KHNYN: variants seen among roughly 807,000 people sequenced by gnomAD.
KHNYN encodes KH and NYN domain containing, also known as protein KHNYN.
KHNYN carries 42 observed loss-of-function variants against 62.7 expected under a neutral mutation model. The ratio of observed to expected loss-of-function variants is 0.67; its 90% CI spans 0.52 to 0.87. The LOEUF (loss-of-function observed/expected upper bound fraction) is 0.87, where lower values mean the gene tolerates loss of function less well. Ranked by LOEUF, KHNYN falls within the 40% of genes least tolerant of loss-of-function variation. KHNYN has a pLI of 0.00. For synonymous variants in KHNYN, 347 were observed against 345.6 expected (o/e 1.00, Z -0.04); for missense variants, 829 against 874.1 (o/e 0.95, Z 0.65).
Position 24,440,385 on chromosome 14 carries a change from G to A in KHNYN, c.*3100G>A, listed in dbSNP as rs1212196815. ...AGGATTCCTGCCAGGTCCCCGATGTGTATCCAGGGGAAGAATTGGTGGCCT... is the reference window on the plus strand; with the variant it reads ...AGGATTCCTGCCAGGTCCCCGATGTATATCCAGGGGAAGAATTGGTGGCCT... On this transcript the variant is annotated 3_prime_UTR_variant, in exon 8 of 8. Coordinates refer to ENST00000553935, the MANE Select transcript of KHNYN (RefSeq NM_015299.3). The A allele has an allele frequency of 1.9e-6, 3 of 1,614,008 alleles. No individual in the cohort carries two copies. The highest frequency in any genetic ancestry group is 3.3e-5 in the Admixed American group (2 of 60,022).
intron 2 of KHNYN, 51 bp from the exon 3 acceptor site, chr14:24,431,412 G>A (rs757573216): frequency 2.7e-6 from 4 of 1,461,250 alleles, no homozygotes; most frequent in Non-Finnish European, 3.7e-6. Context: ...CAGGAGGGGT[G>A]ATCTGGGCCA....
rs11625820 is a variant in KHNYN at position 24,441,768 on chromosome 14, T to A, written c.*4483T>A. 1,409,592 of 1,600,702 alleles carry A rather than the reference T, an allele frequency of 0.88. 626,527 individuals carry two copies. The highest frequency in any genetic ancestry group is 0.9 in the Non-Finnish European group (1,061,909 of 1,175,710). ...GGGTGGTCTCTAGGCGGCTGCCGAT[T>A]ACCTCTTTTTGGAAGGTTTCATTCC... On this transcript the variant is annotated 3_prime_UTR_variant, in exon 8 of 8. Transcript: ENST00000553935.
chr14:24,432,488 G>T lies in KHNYN; in HGVS notation c.1227G>T (p.Leu409Phe), dbSNP rs1326365732. The T allele has an allele frequency of 6.2e-7, 1 of 1,613,760 alleles. No homozygotes were observed. ...QWKRGARGGNLVTGTQRFKEA... is the reference protein window; with the variant it reads ...QWKRGARGGNFVTGTQRFKEA... ...AACGAGGCGCCCGAGGGGGCAACTT[G>T]GTGACTGGCACACAGCGTTTCAAGG... Residue 409 changes from leucine to phenylalanine, a missense_variant, in exon 3 of 8, where the codon TTG (leucine) becomes TTT (phenylalanine). Physicochemically the swap from Leu to Phe is conservative, Grantham distance 22. This residue lies in a region of KHNYN where 559 missense variants were observed against 527.0 expected (regional missense o/e 1.06). Transcript: ENST00000553935. The surrounding 1 kb of genome is among the most constrained non-coding windows in gnomAD (Gnocchi z 5.6).
rs1435868361 is a variant in KHNYN, at chr14:24,432,744, T to A, written c.1372T>A (p.Ser458Thr). 1 of 1,614,156 alleles carries A rather than the reference T, an allele frequency of 6.2e-7. No homozygotes were observed. The highest frequency in any genetic ancestry group is 8.5e-7 in the Non-Finnish European group (1 of 1,180,030). ...AMVHGLQHYF[S>T]SRGIAIAVQY... ...CAGGCATGGCCTCCAGCACTACTTC[T>A]CCAGCCGGGGCATTGCCATTGCTGT... Residue 458 changes from serine (S) to threonine (T), a missense_variant, in exon 4 of 8, where the codon TCC (serine) becomes ACC (threonine). Around this residue, in one of 2 missense-constraint regions of KHNYN, gnomAD observed 270 missense variants for 347.1 expected, o/e 0.78. Transcript: ENST00000553935. The surrounding 1 kb of genome is among the most constrained non-coding windows in gnomAD (Gnocchi z 5.6).
At position 24,440,423 on chromosome 14, in the gene KHNYN, C is replaced by A. The variant is rs11538256; in HGVS notation, c.*3138C>A. 47,903 of 1,604,712 alleles carry A rather than the reference C, an allele frequency of 0.03. 1,174 individuals carry two copies. The highest frequency in any genetic ancestry group is 0.14 in the East Asian group (6,122 of 44,782). The stretch of plus-strand genomic sequence containing the variant: ...GAATTGGTGGCCTGAGCCGATGGGG[C>A]CCCCCAGGCCCAGGCGAAAGGGCAG... On this transcript the variant is annotated 3_prime_UTR_variant, in exon 8 of 8. Transcript: ENST00000553935.
chr14:24,435,339 G>C (rs2043189245), intron 5 of KHNYN: 2 of 152,476 alleles, frequency 1.3e-5, no homozygotes, highest in East Asian at 3.9e-4. Flanking sequence ...CTGGCCTGTA[G>C]AAGGCCTTAG....
intron 5 of KHNYN, among the ~76,000 whole-genome samples, chr14:24,434,617 G>A (rs2043177516): frequency 6.6e-6 from 1 of 152,048 alleles, no homozygotes; most frequent in Admixed American, 6.6e-5. Flanking sequence ...GTTGGCCAGG[G>A]TGGTCTTGAT....
In KHNYN at chr14:24,440,269, C is replaced by A. The variant is rs3211056; in HGVS notation, c.*2984C>A. 8.1e-6 allele frequency: 13 copies of A among 1,613,690 alleles called. 1 individual carries two copies. The East Asian group carries it at 2.5e-4, about 30-fold the overall frequency. ...AGGCTCGGCGGCCCAGGGCAGCACC[C>A]AAGGTCTGGGCAAACTCAGCATTAG... On this transcript the variant is annotated 3_prime_UTR_variant, in exon 8 of 8. Transcript: ENST00000553935.
Position 24,441,393 on chromosome 14 carries a change from C to A in KHNYN, c.*4108C>A, listed in dbSNP as rs961749767. ...GCAATTACTTGGTCCCAAAGGTGAC[C>A]AGGAACTCTGTTCCTAAAGAACTAT... On this transcript the variant is annotated 3_prime_UTR_variant, in exon 8 of 8. Transcript: ENST00000553935. The A allele has an allele frequency of 4.2e-6, 2 of 477,200 alleles. No individual in the cohort carries two copies. Among genetic ancestry groups the A allele is most frequent in the Non-Finnish European group, 7.4e-6 (2 of 271,842 alleles). 29.6% of individuals were successfully genotyped at this position (477,200 alleles called of 1,614,324 possible).
Position 24,437,660 on chromosome 14 carries a change from T to A in KHNYN, c.*375T>A, listed in dbSNP as rs115319005. 2 of 186,524 alleles carry A rather than the reference T, an allele frequency of 1.1e-5. No homozygotes were observed. Among genetic ancestry groups the A allele is most frequent in the Non-Finnish European group, 2.3e-5 (2 of 88,720 alleles). 11.6% of individuals were successfully genotyped at this position (186,524 alleles called of 1,614,324 possible). ...CAGGAAGTTAAGCTGTTCCTCTCCC[T>A]GGCTGCTGCTCTGGATGGCCAGAGA... is the stretch of plus-strand genomic sequence containing the variant. On this transcript the variant is annotated 3_prime_UTR_variant, in exon 8 of 8. Coordinates refer to ENST00000553935, the MANE Select transcript of KHNYN (RefSeq NM_015299.3). The surrounding 1 kb of genome is among the most constrained non-coding windows in gnomAD (Gnocchi z 5.5).
chr14:24,436,794 G>A (rs1017988110), intron 7 of KHNYN, among the ~76,000 whole-genome samples: 3 of 152,198 alleles, frequency 2.0e-5, no homozygotes. Context: ...CATTACATAA[G>A]TGATTCATTT....
chr14:24,429,340 A>G (rs1020412097), upstream of KHNYN: 93 of 657,256 alleles, frequency 1.4e-4, no homozygotes, highest in Non-Finnish European at 2.1e-4. Context: ...GGCTGCAGCC[A>G]GAGCTTCAGG....
At chr14:24,425,820 G>A (rs1209858158), upstream of KHNYN, among the ~76,000 whole-genome samples, 5 of 152,106 alleles carry the variant, frequency 3.3e-5, no homozygotes, top group South Asian at 2.1e-4. Context: ...CTTATAACAC[G>A]CCATTGGACT....
chr14:24,430,228 G>T, intron 1 of KHNYN, 109 bp downstream of exon 1: 1 of 868,834 alleles, frequency 1.2e-6, no homozygotes, highest in Non-Finnish European at 1.4e-6. Flanking sequence ...GCCCGGCCCG[G>T]CCCGGCCCCT....
At chr14:24,427,473 C>A, upstream of KHNYN, 1 of 322,910 alleles carries the variant, frequency 3.1e-6, no homozygotes. This position sits in a 1 kb window ranked among gnomAD's most constrained non-coding sequence, Gnocchi z 4.4. Flanking sequence ...GTGGGGGAAC[C>A]GGAGGAGCAG....
At chr14:24,430,304 T>C in intron 1 of KHNYN, 185 bp downstream of exon 1, 1 of 665,968 alleles carries the variant, frequency 1.5e-6, no homozygotes, top group South Asian at 6.5e-5. Context: ...GGGGTGGGAG[T>C]GGCTTGAACC....
Position 24,437,159 on chromosome 14 carries a change from G to C in KHNYN, c.1911G>C (p.Arg637=). The C allele has an allele frequency of 6.2e-7, 1 of 1,614,192 alleles. No homozygotes were observed. The highest frequency in any genetic ancestry group is 2.2e-5 in the East Asian group (1 of 44,888). The change falls in exon 8 of 8, where the codon CGG becomes CGC. Residue 637 remains arginine (R), a synonymous_variant. Transcript: ENST00000553935. This position sits in a 1 kb window ranked among gnomAD's most constrained non-coding sequence, Gnocchi z 5.5. ...GGIRKTRETE[R]LRRQLLEVFW... ...TTCGGAAGACCCGGGAAACAGAGCG[G>C]CTCCGGCGGCAGCTGCTGGAGGTGT...
chr14:24,428,181 C>T (rs2043042149), upstream of KHNYN: 5 of 1,498,700 alleles, frequency 3.3e-6, no homozygotes, highest in South Asian at 1.2e-5. Context: ...GTCCTGGCCT[C>T]CAGGACACAG....
Position 24,441,551 on chromosome 14 carries a change from C to T in KHNYN, c.*4266C>T. ...AAGGTTAGGAGAAACATGCATGGAT[C>T]AAGGGCCTAGGAAGTCATTTTGCCT... On this transcript the variant is annotated 3_prime_UTR_variant, in exon 8 of 8. Coordinates refer to ENST00000553935, the MANE Select transcript of KHNYN (RefSeq NM_015299.3). 1.3e-6 allele frequency: 1 copy of T among 777,536 alleles called. No individual in the cohort carries two copies. Among genetic ancestry groups the T allele is most frequent in the Non-Finnish European group, 2.0e-6 (1 of 505,356 alleles). 48.2% of individuals were successfully genotyped at this position (777,536 alleles called of 1,614,324 possible). A position where few individuals can be genotyped will look rare whatever the true frequency, so the allele number is the denominator to read the frequency against.
Sources: gnomAD v4.1 joint callset for allele counts (sites outside exome capture counted in the v4.1 genomes callset) on GRCh38, gnomAD v4.1.1 for gene constraint, gnomAD v4.1.1 regional missense constraint, Gnocchi (gnomAD v3.1) non-coding constraint, MANE v1.5 for transcripts, NCBI Gene and HGNC (gene_info 2026-07-23, HGNC 2026-07-21) for gene names.